The following REEP6 variants were observed in gnomAD, a reference collection of about 807,000 sequenced individuals.
REEP6 encodes the protein receptor accessory protein 6.
Under a neutral mutation model 22.4 loss-of-function variants are expected in REEP6, and 19 were observed. That is an observed-to-expected ratio of 0.85 (90% CI 0.59 to 1.25). The LOEUF (loss-of-function observed/expected upper bound fraction) is 1.25. REEP6 is among the 50% of genes most tolerant of loss of function. REEP6 has a pLI of 0.00. For synonymous variants in REEP6, 121 were observed against 113.6 expected (o/e 1.06, Z -0.41); for missense variants, 273 against 251.9 (o/e 1.08, Z -0.57).
At chr19:1,493,107 TCTG>T (rs575458078) in intron 1 of REEP6, among the ~76,000 whole-genome samples, 140 of 151,780 alleles carry the variant, frequency 9.2e-4, no homozygotes, top group Non-Finnish European at 1.7e-3. Flanking sequence ...CCCAGTCCCA[TCTG>T]CTGCTAATCT....
chr19:1,497,161 C>CCCCAAAAAG lies in REEP6; in HGVS notation c.518-12_518-11insCCAAAAAGC. ...GCCTCACGGCCCTCCCCCACCCGCC[C>CCCCAAAAAG]CTCTCTCTGCAGTCAAGCCAAGCCA... On this transcript the variant is annotated splice_polypyrimidine_tract_variant and intron_variant, in intron 4 of 4. Coordinates refer to ENST00000233596, the MANE Select transcript of REEP6 (RefSeq NM_138393.4). The surrounding 1 kb of genome is among the most constrained non-coding windows in gnomAD (Gnocchi z 6.5). The CCCCAAAAAG allele has an allele frequency of 7.0e-7, 1 of 1,435,152 alleles. No homozygotes were observed. The highest frequency in any genetic ancestry group is 9.2e-7 in the Non-Finnish European group (1 of 1,089,704). The allele number at this position is 1,435,152 out of a possible 1,614,324, so 88.9% of individuals were successfully genotyped here. A position where few individuals can be genotyped will look rare whatever the true frequency, so the allele number is the denominator to read the frequency against.
At chr19:1,494,164 A>G (rs1190797528) in intron 1 of REEP6, among the ~76,000 whole-genome samples, 1 of 152,160 alleles carries the variant, frequency 6.6e-6, no homozygotes, top group Non-Finnish European at 1.5e-5. Context: ...ACTCCCACTT[A>G]CCAAGGGGGA....
intron 1 of REEP6, among the ~76,000 whole-genome samples, chr19:1,494,005 G>A (rs905524239): frequency 6.6e-6 from 1 of 152,196 alleles, no homozygotes; most frequent in Admixed American, 6.5e-5. Context: ...TTGAGCCTGG[G>A]AGGCGAGCTT....
At chr19:1,494,953 G>A (rs970099280) in intron 1 of REEP6, among the ~76,000 whole-genome samples, 2 of 152,178 alleles carry the variant, frequency 1.3e-5, no homozygotes, top group Non-Finnish European at 2.9e-5. Flanking sequence ...CAAAGTGCTG[G>A]GGTTACAGGT....
intron 4 of REEP6, 34 bp downstream of exon 4, chr19:1,496,487 C>T (rs1426181373): frequency 1.2e-6 from 2 of 1,603,464 alleles, no homozygotes; most frequent in African/African-American, 1.3e-5. Flanking sequence ...TGCCTCAGGC[C>T]ATCTCCCGGG....
In REEP6 at chr19:1,497,162, C is replaced by A. The variant is rs767901957; in HGVS notation, c.518-12C>A. The A allele has an allele frequency of 6.9e-7, 1 of 1,440,580 alleles. No homozygotes were observed. Among genetic ancestry groups the A allele is most frequent in the Non-Finnish European group, 9.1e-7 (1 of 1,093,204 alleles). The allele number at this position is 1,440,580 out of a possible 1,614,324, so 89.2% of individuals were successfully genotyped here. A position where few individuals can be genotyped will look rare whatever the true frequency, so the allele number is the denominator to read the frequency against. ...CCTCACGGCCCTCCCCCACCCGCCC[C>A]TCTCTCTGCAGTCAAGCCAAGCCAG... On this transcript the variant is annotated splice_polypyrimidine_tract_variant and intron_variant, in intron 4 of 4. Transcript: ENST00000233596. The surrounding 1 kb of genome is among the most constrained non-coding windows in gnomAD (Gnocchi z 6.5).
chr19:1,497,225 G>A lies in REEP6; in HGVS notation c.*14G>A, dbSNP rs1415984239. 1 of 1,542,016 alleles carries A rather than the reference G, an allele frequency of 6.5e-7. No individual in the cohort carries two copies. Among genetic ancestry groups the A allele is most frequent in the African/African-American group, 1.4e-5 (1 of 72,922 alleles). On this transcript the variant is annotated 3_prime_UTR_variant, in exon 5 of 5. Transcript: ENST00000233596. The surrounding 1 kb of genome is among the most constrained non-coding windows in gnomAD (Gnocchi z 6.5). Reference sequence around the variant, plus strand: ...AAGGACAAGTGAAGCAGCCCCCTGAGCCTCACAAGGACCTCCTGGCTGGTG... The same window carrying A: ...AAGGACAAGTGAAGCAGCCCCCTGAACCTCACAAGGACCTCCTGGCTGGTG...
At chr19:1,496,509 C>A in intron 4 of REEP6, 56 bp downstream of exon 4, 1 of 1,579,166 alleles carries the variant, frequency 6.3e-7, no homozygotes, top group Non-Finnish European at 8.7e-7. Context: ...CTGGACCTGT[C>A]TCTCTCCACC....
intron 1 of REEP6, among the ~76,000 whole-genome samples, chr19:1,494,720 C>T (rs2084991432): frequency 6.6e-6 from 1 of 151,750 alleles, no homozygotes; most frequent in African/African-American, 2.4e-5. Context: ...TGAGACGGAG[C>T]CTCACCCAGG....
chr19:1,495,757 CG>C, intron 3 of REEP6, 150 bp downstream of exon 3: 1 of 1,088,902 alleles, frequency 9.2e-7, no homozygotes, highest in Non-Finnish European at 1.3e-6. Context: ...GAGCCCTGTC[CG>C]GGGGCTGATG....
Position 1,491,588 on chromosome 19 carries a change from C to T in REEP6, c.115+204C>T, listed in dbSNP as rs2084942270. Among the ~76,000 whole-genome samples, 1 of 152,172 alleles carries T rather than the reference C, an allele frequency of 6.6e-6. No homozygotes were observed. Among genetic ancestry groups the T allele is most frequent in the African/African-American group, 2.4e-5 (1 of 41,444 alleles). On this transcript the variant is annotated intron_variant, in intron 1 of 4. Transcript: ENST00000233596. This position sits in a 1 kb window ranked among gnomAD's most constrained non-coding sequence, Gnocchi z 5.4. The stretch of plus-strand genomic sequence containing the variant: ...CTCCCGGGCCACCCCTCTCTAGCTT[C>T]CGCCCCTGGCCGCCCCCCGACGCCT...
rs374067323 is a variant in REEP6, at chr19:1,492,888, C to T, written c.115+1504C>T. Among the ~76,000 whole-genome samples the T allele has an allele frequency of 3.3e-5, 5 of 152,210 alleles. No individual in the cohort carries two copies. In the South Asian group the frequency reaches 6.2e-4, roughly 19 times the overall value. ...GGCATGGCCCGGCTGTGCCTGCCCC[C>T]GGGAGCAGGTCCCTGACCTCTGCCC... On this transcript the variant is annotated intron_variant, in intron 1 of 4. Coordinates refer to ENST00000233596, the MANE Select transcript of REEP6 (RefSeq NM_138393.4).
intron 1 of REEP6, among the ~76,000 whole-genome samples, chr19:1,492,471 A>G (rs1014697236): frequency 3.1e-4 from 47 of 151,330 alleles, no homozygotes; most frequent in African/African-American, 1.0e-3. Flanking sequence ...GGGTCTCACT[A>G]TGTTACCCAG....
At chr19:1,495,209 T>C (rs1429623435) in intron 1 of REEP6, 85 bp from the exon 2 acceptor site, 1 of 1,322,876 alleles carries the variant, frequency 7.6e-7, no homozygotes, top group Admixed American at 1.7e-5. Context: ...GGTTGCAGTC[T>C]TCGTCGACTG....
In REEP6 at chr19:1,497,528, G is replaced by T. The variant is rs752407393; in HGVS notation, c.*317G>T. 1.6e-6 allele frequency: 1 copy of T among 643,688 alleles called. No homozygotes were observed. Among genetic ancestry groups the T allele is most frequent in the Non-Finnish European group, 3.0e-6 (1 of 337,544 alleles). The allele number at this position is 643,688 out of a possible 1,614,324, so 39.9% of individuals were successfully genotyped here. On this transcript the variant is annotated 3_prime_UTR_variant, in exon 5 of 5. Transcript: ENST00000233596. The surrounding 1 kb of genome is among the most constrained non-coding windows in gnomAD (Gnocchi z 6.5). ...ACTGGTCTCGGCAACACACCCAGCC[G>T]CCTGGTACTTCCTCCAGCCCCTCCC... is the stretch of plus-strand genomic sequence containing the variant.
chr19:1,494,505 C>G (rs2084989940), intron 1 of REEP6, among the ~76,000 whole-genome samples: 1 of 152,188 alleles, frequency 6.6e-6, no homozygotes, highest in Non-Finnish European at 1.5e-5. Context: ...TGAACATCAG[C>G]AGTGCCAAGG....
At position 1,495,322 on chromosome 19, in the gene REEP6, G is replaced by C; in HGVS notation, c.144G>C (p.Leu48=). 1 of 1,613,388 alleles carries C rather than the reference G, an allele frequency of 6.2e-7. No homozygotes were observed. Among genetic ancestry groups the C allele is most frequent in the Non-Finnish European group, 8.5e-7 (1 of 1,180,004 alleles). ...CCGTCACTCTGCTAAGCCTGTATCTGCTGTTCGGCTACGGAGCGTCTCTGC... is the reference window on the plus strand; with the variant it reads ...CCGTCACTCTGCTAAGCCTGTATCTCCTGTTCGGCTACGGAGCGTCTCTGC... ...AGAVTLLSLY[L]LFGYGASLLC... Residue 48 remains leucine, a synonymous_variant, in exon 2 of 5, where the codon CTG becomes CTC. Coordinates refer to ENST00000233596, the MANE Select transcript of REEP6 (RefSeq NM_138393.4).
At position 1,497,142 on chromosome 19, in the gene REEP6, C is replaced by CGG; in HGVS notation, c.518-31_518-30dup. The CGG allele has an allele frequency of 1.8e-5, 24 of 1,354,818 alleles. No individual in the cohort carries two copies. Among genetic ancestry groups the CGG allele is most frequent in the South Asian group, 3.0e-5 (2 of 66,320 alleles). 83.9% of individuals were successfully genotyped at this position (1,354,818 alleles called of 1,614,324 possible). On this transcript the variant is annotated intron_variant, in intron 4 of 4. Coordinates refer to ENST00000233596, the MANE Select transcript of REEP6 (RefSeq NM_138393.4). This position sits in a 1 kb window ranked among gnomAD's most constrained non-coding sequence, Gnocchi z 6.5. The stretch of plus-strand genomic sequence containing the variant: ...CTCCGGGGAGCCCAGGCCTGCCTCA[C>CGG]GGCCCTCCCCCACCCGCCCCTCTCT...
Position 1,497,214 on chromosome 19 carries a change from C to T in REEP6, c.*3C>T. 6.6e-7 allele frequency: 1 copy of T among 1,513,546 alleles called. No homozygotes were observed. Among genetic ancestry groups the T allele is most frequent in the Admixed American group, 2.2e-5 (1 of 46,128 alleles). 93.8% of individuals were successfully genotyped at this position (1,513,546 alleles called of 1,614,324 possible). On this transcript the variant is annotated 3_prime_UTR_variant, in exon 5 of 5. Transcript: ENST00000233596. This position sits in a 1 kb window ranked among gnomAD's most constrained non-coding sequence, Gnocchi z 6.5. ...CCCCGCAGCCGAAGGACAAGTGAAGCAGCCCCCTGAGCCTCACAAGGACCT... is the reference window on the plus strand; with the variant it reads ...CCCCGCAGCCGAAGGACAAGTGAAGTAGCCCCCTGAGCCTCACAAGGACCT...
Sources: allele counts gnomAD v4.1 joint callset (sites outside exome capture counted in the v4.1 genomes callset), GRCh38; gene constraint gnomAD v4.1.1; non-coding constraint Gnocchi (gnomAD v3.1); transcripts MANE v1.5; gene names NCBI Gene and HGNC (gene_info 2026-07-23, HGNC 2026-07-21).